Variants in SAMD3 observed in about 807,000 individuals in gnomAD.
SAMD3 encodes sterile alpha motif domain-containing protein 3.
SAMD3 carries 63 observed loss-of-function variants against 58.5 expected under a neutral mutation model. That is an observed-to-expected ratio of 1.08 (90% CI 0.88 to 1.33). The LOEUF (loss-of-function observed/expected upper bound fraction) is 1.33. SAMD3 is among the 40% of genes most tolerant of loss of function. SAMD3 has a pLI of 0.00. For synonymous variants in SAMD3, 220 were observed against 210.3 expected (o/e 1.05, Z -0.40); for missense variants, 604 against 608.4 (o/e 0.99, Z 0.08).
chr6:130,308,400 A>ATTCTATTCTATTCTATTCTATTCTATTCT (rs1776010336), intron 2 of SAMD3, among the ~76,000 whole-genome samples: 2 of 137,030 alleles, frequency 1.5e-5, no homozygotes, highest in African/African-American at 5.7e-5. Flanking sequence ...ATTCTATTCT[A>ATTCTATTCTATTCTATTCTATTCTATTCT]TTCTATTCTA....
intron 5 of SAMD3, among the ~76,000 whole-genome samples, chr6:130,191,658 G>A (rs1382860463): frequency 2.0e-5 from 3 of 148,700 alleles, no homozygotes; most frequent in East Asian, 2.0e-4. Context: ...GCAGTTTCTC[G>A]CTTTGTTGAA....
intron 1 of SAMD3, among the ~76,000 whole-genome samples, chr6:130,315,916 G>T (rs1174430965): frequency 1.3e-5 from 2 of 152,206 alleles, no homozygotes; most frequent in Non-Finnish European, 2.9e-5. Flanking sequence ...GCATGTGAAA[G>T]TGTGTATATA....
intron 2 of SAMD3, among the ~76,000 whole-genome samples, chr6:130,281,643 G>A (rs944033483): frequency 1.3e-5 from 2 of 152,038 alleles, no homozygotes; most frequent in South Asian, 4.1e-4. Context: ...TTTCAGCTGG[G>A]TATGGTGGCT....
At chr6:130,192,472 T>G (rs539786556) in intron 5 of SAMD3, among the ~76,000 whole-genome samples, 1 of 152,118 alleles carries the variant, frequency 6.6e-6, no homozygotes, top group Admixed American at 6.5e-5. Flanking sequence ...TGAAATTCCT[T>G]CTCCTGGCTC....
At chr6:130,181,240 C>A (rs1004051200) in intron 7 of SAMD3, among the ~76,000 whole-genome samples, 1 of 152,190 alleles carries the variant, frequency 6.6e-6, no homozygotes, top group African/African-American at 2.4e-5. Flanking sequence ...AGCCACCGTA[C>A]CCGGCCCCAA....
intron 2 of SAMD3, among the ~76,000 whole-genome samples, chr6:130,233,866 G>T (rs866001880): frequency 9.9e-5 from 15 of 152,136 alleles, no homozygotes; most frequent in Non-Finnish European, 1.8e-4. Context: ...AAAAAGTGGG[G>T]TTTATGGATA....
intron 2 of SAMD3, among the ~76,000 whole-genome samples, chr6:130,292,478 G>A (rs564880252): frequency 6.5e-4 from 98 of 151,314 alleles, no homozygotes; most frequent in Admixed American, 1.3e-3. Flanking sequence ...GTAGACACAG[G>A]GTTTCACCCT....
chr6:130,296,553 G>A (rs1182293982), intron 2 of SAMD3, among the ~76,000 whole-genome samples: 1 of 152,172 alleles, frequency 6.6e-6, no homozygotes, highest in African/African-American at 2.4e-5. Context: ...CCCACCGGGG[G>A]CCAGAGCACA....
intron 5 of SAMD3, among the ~76,000 whole-genome samples, chr6:130,191,873 A>G (rs1047379713): frequency 6.6e-6 from 1 of 152,242 alleles, no homozygotes; most frequent in Non-Finnish European, 1.5e-5. Flanking sequence ...CAACTGCTAC[A>G]CAATGTGAAT....
At chr6:130,153,668 ATT>A (rs1380194710) in intron 9 of SAMD3, among the ~76,000 whole-genome samples, 51 of 138,716 alleles carry the variant, frequency 3.7e-4, no homozygotes, top group South Asian at 2.8e-3. Context: ...ATATATATTT[ATT>A]TATTTATTTA....
rs548519164 is a variant in SAMD3 at position 130,282,269 on chromosome 6, C to T, written c.-188+30709G>A. 5.3e-5 allele frequency among the ~76,000 whole-genome samples: 8 copies of T among 152,134 alleles called. No individual in the cohort carries two copies. The East Asian group carries it at 1.4e-3, about 26-fold the overall frequency. On this transcript the variant is annotated intron_variant, in intron 2 of 13. Transcript: ENST00000368134. ...TAGGGAAATGGCCTTGTGTTCTAGT[C>T]CTAAAGAGATGGTAGTCTTAAGGAG...
At chr6:130,362,681 G>A (rs1982641) in intron 1 of SAMD3, among the ~76,000 whole-genome samples, 73,954 of 151,962 alleles carry the variant, frequency 0.49, 22,061 homozygotes, top group African/African-American at 0.85. Flanking sequence ...GGAGGTATCT[G>A]ATTATCTAAT....
At chr6:130,294,059 C>T (rs1044535983) in intron 2 of SAMD3, among the ~76,000 whole-genome samples, 4 of 152,084 alleles carry the variant, frequency 2.6e-5, no homozygotes, top group African/African-American at 9.7e-5. Flanking sequence ...GAGATTTCAC[C>T]CCCAAGACAT....
At chr6:130,185,628 A>G (rs192337992) in intron 5 of SAMD3, among the ~76,000 whole-genome samples, 45 of 132,388 alleles carry the variant, frequency 3.4e-4, no homozygotes, top group Middle Eastern at 4.4e-3. Flanking sequence ...CATCTGCCCA[A>G]TTTTTTTTTT....
In SAMD3 at chr6:130,214,340, C is replaced by T. The variant is rs759704895; in HGVS notation, c.266G>A (p.Arg89Gln). The change falls in exon 4 of 12, where the codon CGA (arginine) becomes CAA (glutamine). Residue 89 changes from arginine (R) to glutamine (Q), a missense_variant. Arg to Gln is a conservative substitution (Grantham distance 43). Coordinates refer to ENST00000439090, the MANE Select transcript of SAMD3 (RefSeq NM_001017373.4). The part of the protein sequence containing the change: ...AALVMQTEAA[R>Q]DYRDEESSSP... ...GGCCATTTATGAACATACTCACTCT[C>T]GAGCTGCTTCTGTTTGCATGACCAG... The T allele has an allele frequency of 6.9e-6, 11 of 1,588,482 alleles. No homozygotes were observed. Among genetic ancestry groups the T allele is most frequent in the South Asian group, 2.3e-5 (2 of 86,272 alleles).
chr6:130,183,146 A>T, intron 7 of SAMD3: 1 of 328,600 alleles, frequency 3.0e-6, no homozygotes, highest in Non-Finnish European at 6.0e-6. Context: ...AGTGGTTCTC[A>T]GCCGTGGTTG....
intron 1 of SAMD3, among the ~76,000 whole-genome samples, chr6:130,320,613 TA>T (rs1776553025): frequency 6.6e-6 from 1 of 152,108 alleles, no homozygotes. Context: ...GGCCCCAAAC[TA>T]AAAACAACCT....
chr6:130,327,750 C>T (rs1306406443), intron 1 of SAMD3, among the ~76,000 whole-genome samples: 2 of 152,052 alleles, frequency 1.3e-5, no homozygotes, highest in Non-Finnish European at 2.9e-5. Flanking sequence ...CAGCATTATG[C>T]TAAATGTAAG....
intron 8 of SAMD3, chr6:130,162,233 T>C: frequency 2.9e-6 from 2 of 701,544 alleles, no homozygotes; most frequent in South Asian, 3.0e-5. Flanking sequence ...TTGGTTGTAA[T>C]AGCAGAGCAT....
Sources: gnomAD v4.1 joint callset for allele counts (sites outside exome capture counted in the v4.1 genomes callset) on GRCh38, gnomAD v4.1.1 for gene constraint, MANE v1.5 for transcripts, NCBI Gene and HGNC (gene_info 2026-07-23, HGNC 2026-07-21) for gene names.